Variants in DCLK1 observed in about 807,000 individuals in gnomAD.
DCLK1 encodes the protein doublecortin like kinase 1, also known as serine/threonine-protein kinase DCLK1.
A neutral mutation model predicts 86.2 loss-of-function variants in DCLK1; 16 were observed. The ratio of observed to expected loss-of-function variants is 0.19; its 90% CI spans 0.13 to 0.28. DCLK1 has a LOEUF of 0.28. DCLK1 is among the 10% of genes least tolerant of loss of function. DCLK1 has a pLI of 1.00. For synonymous variants in DCLK1, 369 were observed against 370.5 expected (o/e 1.00, Z 0.05); for missense variants, 590 against 940.2 (o/e 0.63, Z 4.87).
intron 15 of DCLK1, among the ~76,000 whole-genome samples, chr13:35,800,444 G>C (rs1207298578): frequency 6.6e-6 from 1 of 152,206 alleles, no homozygotes; most frequent in African/African-American, 2.4e-5. Flanking sequence ...AGACGTGGCT[G>C]CTTACTGACG....
At chr13:35,944,429 G>A (rs1346796940) in intron 4 of DCLK1, among the ~76,000 whole-genome samples, 1 of 152,102 alleles carries the variant, frequency 6.6e-6, no homozygotes, top group East Asian at 1.9e-4. Flanking sequence ...GCATCGATGT[G>A]CAAATACCAC....
At chr13:35,959,938 T>G (rs9575003) in intron 3 of DCLK1, among the ~76,000 whole-genome samples, 37,644 of 151,816 alleles carry the variant, frequency 0.25, 5,213 homozygotes, top group East Asian at 0.45. Flanking sequence ...TGAGTGCATC[T>G]ACATGTGCTT....
intron 11 of DCLK1, among the ~76,000 whole-genome samples, chr13:35,820,301 C>T (rs569331856): frequency 1.2e-4 from 19 of 152,284 alleles, no homozygotes; most frequent in Middle Eastern, 3.4e-3. Flanking sequence ...GTTAGTTTTT[C>T]ATATAGATAT....
intron 5 of DCLK1, among the ~76,000 whole-genome samples, chr13:35,866,616 AT>A (rs34743728): frequency 0.018 from 2,496 of 135,192 alleles, 43 homozygotes; most frequent in African/African-American, 0.053. Flanking sequence ...TAATTTTTGT[AT>A]TTTTTTTTTT....
chr13:36,063,184 A>G (rs556328708), intron 3 of DCLK1, among the ~76,000 whole-genome samples: 1 of 152,310 alleles, frequency 6.6e-6, no homozygotes, highest in Middle Eastern at 3.4e-3. Context: ...TTTAGCAGAA[A>G]TCTCCTCCAA....
At chr13:35,841,775 A>G (rs1438268855) in intron 6 of DCLK1, among the ~76,000 whole-genome samples, 1 of 152,138 alleles carries the variant, frequency 6.6e-6, no homozygotes, top group Non-Finnish European at 1.5e-5. Flanking sequence ...AATGTATTAA[A>G]CTTCTAATAG....
At chr13:36,005,765 G>A (rs1170898709) in intron 3 of DCLK1, among the ~76,000 whole-genome samples, 1 of 152,208 alleles carries the variant, frequency 6.6e-6, no homozygotes, top group Non-Finnish European at 1.5e-5. Context: ...GAAACCAACC[G>A]AAATGCCCAT....
intron 4 of DCLK1, among the ~76,000 whole-genome samples, chr13:35,940,050 G>A (rs866967420): frequency 1.3e-5 from 2 of 151,998 alleles, no homozygotes; most frequent in South Asian, 2.1e-4. Flanking sequence ...GCAATAACCC[G>A]TCTCTACTAA....
At chr13:36,034,209 A>G (rs1346635394) in intron 3 of DCLK1, among the ~76,000 whole-genome samples, 2 of 152,222 alleles carry the variant, frequency 1.3e-5, no homozygotes, top group Non-Finnish European at 2.9e-5. Flanking sequence ...TATTAATGCA[A>G]TCATAAGGAT....
chr13:35,790,632 A>G (rs1053389839), intron 16 of DCLK1, among the ~76,000 whole-genome samples: 14 of 152,186 alleles, frequency 9.2e-5, no homozygotes, highest in Non-Finnish European at 1.3e-4. Context: ...GTTTTTGTAA[A>G]TCTATCAAAG....
intron 3 of DCLK1, among the ~76,000 whole-genome samples, chr13:36,094,383 CA>C (rs1195538129): frequency 5.9e-5 from 9 of 152,098 alleles, no homozygotes; most frequent in African/African-American, 2.2e-4. Flanking sequence ...GTTATGAATA[CA>C]AAATTAACAA....
At chr13:35,883,782 C>T (rs189908212) in intron 4 of DCLK1, among the ~76,000 whole-genome samples, 6 of 152,170 alleles carry the variant, frequency 3.9e-5, no homozygotes, top group Admixed American at 2.0e-4. Flanking sequence ...AGATAGAGTT[C>T]GCAAAGCTTG....
chr13:36,037,026 A>C (rs1217130385), intron 3 of DCLK1, among the ~76,000 whole-genome samples: 1 of 152,316 alleles, frequency 6.6e-6, no homozygotes, highest in Non-Finnish European at 1.5e-5. Flanking sequence ...TGATATATAT[A>C]TCACACACAC....
intron 4 of DCLK1, among the ~76,000 whole-genome samples, chr13:35,912,097 A>T (rs1004184911): frequency 3.2e-4 from 48 of 152,268 alleles, no homozygotes; most frequent in African/African-American, 1.1e-3. Context: ...TCAATCAATC[A>T]ATCACGGCCC....
chr13:35,883,719 T>G (rs1179143008), intron 4 of DCLK1, among the ~76,000 whole-genome samples: 1 of 152,110 alleles, frequency 6.6e-6, no homozygotes, highest in Non-Finnish European at 1.5e-5. Context: ...TGGCATGGCC[T>G]AGGATGGAGG....
chr13:36,082,825 C>T (rs544321173), intron 3 of DCLK1, among the ~76,000 whole-genome samples: 63 of 152,316 alleles, frequency 4.1e-4, no homozygotes, highest in African/African-American at 1.5e-3. Flanking sequence ...CAGCTATCTA[C>T]CTAGAACTTT....
At chr13:35,974,991 C>G (rs927173208) in intron 3 of DCLK1, among the ~76,000 whole-genome samples, 10 of 152,192 alleles carry the variant, frequency 6.6e-5, no homozygotes, top group Non-Finnish European at 5.9e-5. Context: ...AGTCAACAGC[C>G]CTTTGAGGCA....
At chr13:35,895,244 G>A (rs1403838225) in intron 4 of DCLK1, among the ~76,000 whole-genome samples, 9 of 151,174 alleles carry the variant, frequency 6.0e-5, no homozygotes, top group South Asian at 2.1e-4. Context: ...GTCATGAGCC[G>A]CCACACCTGG....
chr13:35,832,160 G>A (rs925403368), intron 8 of DCLK1, among the ~76,000 whole-genome samples: 1 of 152,134 alleles, frequency 6.6e-6, no homozygotes, highest in Non-Finnish European at 1.5e-5. Context: ...GCAAGGCATG[G>A]TGGTGTGCAC....
Sources: gnomAD v4.1 joint callset for allele counts (sites outside exome capture counted in the v4.1 genomes callset) on GRCh38, gnomAD v4.1.1 for gene constraint, MANE v1.5 for transcripts, NCBI Gene and HGNC (gene_info 2026-07-23, HGNC 2026-07-21) for gene names.